CPA6: variants seen among roughly 807,000 people sequenced by gnomAD.
CPA6 encodes the protein carboxypeptidase B.
Under a neutral mutation model 63.3 loss-of-function variants are expected in CPA6, and 58 were observed. The ratio of observed to expected loss-of-function variants is 0.92; its 90% CI spans 0.74 to 1.14. The LOEUF (loss-of-function observed/expected upper bound fraction) is 1.14. CPA6 is among the 50% of genes most tolerant of loss of function. The probability of loss-of-function intolerance (pLI) is 0.00; values close to 1 mark genes in which losing one functional copy is unlikely to be tolerated. For synonymous variants in CPA6, 185 were observed against 179.0 expected (o/e 1.03, Z -0.27); for missense variants, 565 against 526.6 (o/e 1.07, Z -0.71).
chr8:67,692,217 T>A (rs1469062407), intron 1 of CPA6, among the ~76,000 whole-genome samples: 1 of 150,916 alleles, frequency 6.6e-6, no homozygotes, highest in Non-Finnish European at 1.5e-5. Context: ...ATGCCTCTAA[T>A]CCCAGCTACT....
At chr8:67,591,432 G>T (rs548865247) in intron 2 of CPA6, among the ~76,000 whole-genome samples, 2 of 152,306 alleles carry the variant, frequency 1.3e-5, no homozygotes, top group South Asian at 4.1e-4. Context: ...GACAGTCATT[G>T]GTAGCTTGAT....
chr8:67,554,602 C>T (rs114110325), intron 2 of CPA6, among the ~76,000 whole-genome samples: 1 of 152,142 alleles, frequency 6.6e-6, no homozygotes, highest in Non-Finnish European at 1.5e-5. Flanking sequence ...GCTGGAGAAC[C>T]AGGAAAGCCC....
At chr8:67,737,024 C>T (rs1817825462) in intron 1 of CPA6, among the ~76,000 whole-genome samples, 2 of 152,204 alleles carry the variant, frequency 1.3e-5, no homozygotes, top group Admixed American at 1.3e-4. Flanking sequence ...CATCTTGACA[C>T]CAGTCTTCAG....
At chr8:67,724,349 G>A (rs1817557318) in intron 1 of CPA6, among the ~76,000 whole-genome samples, 1 of 152,174 alleles carries the variant, frequency 6.6e-6, no homozygotes, top group African/African-American at 2.4e-5. Context: ...TCACAGCTGA[G>A]CTGTCCTTTT....
In CPA6 at chr8:67,612,809, C is replaced by T. The variant is rs185316687; in HGVS notation, c.192+11367G>A. ...CACAAAGTATTGCCACATATGCATC[C>T]CTAATAGCTGTTTTTAGGTTATTAG... On this transcript the variant is annotated intron_variant, in intron 2 of 10. Transcript: ENST00000297770. Among the ~76,000 whole-genome samples, 4 of 152,166 alleles carry T rather than the reference C, an allele frequency of 2.6e-5. No individual in the cohort carries two copies. The East Asian group carries it at 7.7e-4, about 29-fold the overall frequency.
chr8:67,561,514 A>G (rs943990105), intron 2 of CPA6, among the ~76,000 whole-genome samples: 14 of 152,200 alleles, frequency 9.2e-5, no homozygotes, highest in Non-Finnish European at 1.5e-4. Flanking sequence ...ACCAAGAAAC[A>G]TAACTTTGAA....
chr8:67,542,699 C>A (rs1344206250), intron 2 of CPA6, among the ~76,000 whole-genome samples: 1 of 152,170 alleles, frequency 6.6e-6, no homozygotes, highest in Non-Finnish European at 1.5e-5. Context: ...TTTTACACTG[C>A]CAGATAATAG....
intron 2 of CPA6, among the ~76,000 whole-genome samples, chr8:67,546,281 C>T (rs960671868): frequency 3.3e-5 from 5 of 152,148 alleles, no homozygotes; most frequent in African/African-American, 9.7e-5. Context: ...GGTAAATCTG[C>T]CCCTGAATTA....
intron 2 of CPA6, among the ~76,000 whole-genome samples, chr8:67,567,100 T>TAA (rs1813356427): frequency 6.6e-6 from 1 of 152,182 alleles, no homozygotes; most frequent in South Asian, 2.1e-4. Flanking sequence ...GTAGTAGACT[T>TAA]ACAGTAATGG....
intron 2 of CPA6, among the ~76,000 whole-genome samples, chr8:67,570,909 T>C (rs1200331788): frequency 6.6e-6 from 1 of 152,128 alleles, no homozygotes; most frequent in Admixed American, 6.5e-5. Context: ...AGTGAATGAA[T>C]GGATAAAGAA....
chr8:67,637,378 A>T (rs1815492431), intron 1 of CPA6, among the ~76,000 whole-genome samples: 1 of 151,662 alleles, frequency 6.6e-6, no homozygotes, highest in Admixed American at 6.6e-5. Context: ...AAGCAATAAC[A>T]TGTAATAATG....
chr8:67,529,335 A>G (rs1484151500), intron 2 of CPA6, among the ~76,000 whole-genome samples: 1 of 152,208 alleles, frequency 6.6e-6, no homozygotes, highest in Non-Finnish European at 1.5e-5. Context: ...ATCACAGAGA[A>G]TTTAAACCTA....
At chr8:67,741,006 C>T (rs62511424) in intron 1 of CPA6, among the ~76,000 whole-genome samples, 6,122 of 152,184 alleles carry the variant, frequency 0.04, 178 homozygotes, top group Non-Finnish European at 0.055. Flanking sequence ...TGTGGCTAAC[C>T]AGCACATACC....
At chr8:67,700,963 T>G (rs1817011463) in intron 1 of CPA6, among the ~76,000 whole-genome samples, 1 of 152,122 alleles carries the variant, frequency 6.6e-6, no homozygotes, top group South Asian at 2.1e-4. Flanking sequence ...GCTGGGAATA[T>G]AAATATATTC....
chr8:67,532,563 A>G (rs760249404), intron 2 of CPA6, among the ~76,000 whole-genome samples: 2 of 151,836 alleles, frequency 1.3e-5, no homozygotes, highest in Non-Finnish European at 2.9e-5. Context: ...GTATCTGTAG[A>G]CCCAGCTACT....
At chr8:67,699,750 G>A (rs1196820605) in intron 1 of CPA6, among the ~76,000 whole-genome samples, 1 of 152,002 alleles carries the variant, frequency 6.6e-6, no homozygotes, top group African/African-American at 2.4e-5. Flanking sequence ...ACCATGCCCA[G>A]CTAATTTTTT....
At chr8:67,516,023 A>G (rs532712412) in intron 3 of CPA6, among the ~76,000 whole-genome samples, 1 of 152,234 alleles carries the variant, frequency 6.6e-6, no homozygotes, top group East Asian at 1.9e-4. Context: ...CCAGGGATGA[A>G]TACTTGAACT....
chr8:67,731,756 G>A (rs781387655), intron 1 of CPA6, among the ~76,000 whole-genome samples: 3 of 152,070 alleles, frequency 2.0e-5, no homozygotes, highest in Non-Finnish European at 4.4e-5. Flanking sequence ...ATTGAATCAC[G>A]GCACCTAAAG....
chr8:67,657,335 G>A (rs929275322), intron 1 of CPA6, among the ~76,000 whole-genome samples: 2 of 127,740 alleles, frequency 1.6e-5, no homozygotes, highest in African/African-American at 5.0e-5. Flanking sequence ...AAAATAATCT[G>A]ATGTTGCTGG....
Sources: allele counts gnomAD v4.1 joint callset (sites outside exome capture counted in the v4.1 genomes callset), GRCh38; gene constraint gnomAD v4.1.1; transcripts MANE v1.5; gene names NCBI Gene and HGNC (gene_info 2026-07-23, HGNC 2026-07-21).